The following C19orf47 variants were observed in gnomAD, a reference collection of about 807,000 sequenced individuals.
C19orf47 encodes chromosome 19 open reading frame 47.
A neutral mutation model predicts 32.3 loss-of-function variants in C19orf47; 18 were observed. The ratio of observed to expected loss-of-function variants is 0.56; its 90% CI spans 0.39 to 0.83. The LOEUF (loss-of-function observed/expected upper bound fraction) is 0.83, where lower values mean the gene tolerates loss of function less well. C19orf47 is among the 40% of genes least tolerant of loss of function. The probability of loss-of-function intolerance (pLI) is 0.00; values close to 1 mark genes in which losing one functional copy is unlikely to be tolerated. For synonymous variants in C19orf47, 202 were observed against 211.1 expected (o/e 0.96, Z 0.37); for missense variants, 484 against 531.6 (o/e 0.91, Z 0.88).
chr19:40,301,072 A>G, the C19orf47 span, among the ~76,000 whole-genome samples: 3 of 152,154 alleles, frequency 2.0e-5, no homozygotes, highest in East Asian at 1.9e-4. Flanking sequence ...CTGAGGCACG[A>G]GAATCGCTTG....
At chr19:40,297,631 C>T in the C19orf47 span, among the ~76,000 whole-genome samples, 19 of 139,866 alleles carry the variant, frequency 1.4e-4, no homozygotes, top group East Asian at 8.5e-4. Flanking sequence ...ACCCAGGAAG[C>T]GGAGGTTGTA....
chr19:40,326,089 C>T (rs1169734101), intron 7 of C19orf47, among the ~76,000 whole-genome samples: 1 of 152,228 alleles, frequency 6.6e-6, no homozygotes, highest in East Asian at 1.9e-4. Flanking sequence ...ATCACTCTAT[C>T]GTTGCTCCTG....
At chr19:40,324,279 G>A (rs760875192) in intron 7 of C19orf47, 5 of 599,840 alleles carry the variant, frequency 8.3e-6, no homozygotes, top group African/African-American at 3.7e-5. Flanking sequence ...ATGTGGGAAA[G>A]ACCAGCTACA....
chr19:40,331,651 T>C (rs10421423), intron 5 of C19orf47, among the ~76,000 whole-genome samples: 372 of 151,520 alleles, frequency 2.5e-3, no homozygotes, highest in African/African-American at 8.8e-3. Flanking sequence ...AAAATAAAAA[T>C]ACATGTCTGT....
At chr19:40,297,444 T>C in the C19orf47 span, among the ~76,000 whole-genome samples, 1 of 152,194 alleles carries the variant, frequency 6.6e-6, no homozygotes, top group African/African-American at 2.4e-5. Flanking sequence ...GGCTCACGCC[T>C]GTAATCCCAA....
chr19:40,346,442 C>T lies in C19orf47; in HGVS notation c.-34+1882G>A, dbSNP rs568574862. ...TGGGCAACAGAGCGAGACCTTGTCT[C>T]AAATAAATAAATAAATAAATAAATA... On this transcript the variant is annotated intron_variant, in intron 1 of 8. Coordinates refer to ENST00000683109, the MANE Select transcript of C19orf47 (RefSeq NM_001256441.2). 5.7e-4 allele frequency among the ~76,000 whole-genome samples: 60 copies of T among 105,864 alleles called. 1 individual carries two copies. Among genetic ancestry groups the T allele is most frequent in the African/African-American group, 2.1e-3 (57 of 27,106 alleles). The allele number at this position is 105,864 out of a possible 152,430, so 69.5% of individuals were successfully genotyped here.
chr19:40,336,268 G>A, intron 3 of C19orf47, 44 bp from the exon 4 acceptor site: 1 of 1,613,210 alleles, frequency 6.2e-7, no homozygotes. Flanking sequence ...GGGCCAGAGT[G>A]GGTGGGCCAG....
In C19orf47 at chr19:40,348,311, G is replaced by GC. The variant is rs1163074226; in HGVS notation, c.-34+12dup. Reference sequence around the variant, plus strand: ...AACCGGCCCAGTCCCACCACCCCCGGCCCGCGCCTCACCTGGCCCACCGGG... The same window carrying GC: ...AACCGGCCCAGTCCCACCACCCCCGGCCCCGCGCCTCACCTGGCCCACCGGG... On this transcript the variant is annotated intron_variant, in intron 1 of 8. Transcript: ENST00000683109. The GC allele has an allele frequency of 7.5e-7, 1 of 1,336,662 alleles. No individual in the cohort carries two copies. Among genetic ancestry groups the GC allele is most frequent in the Non-Finnish European group, 9.6e-7 (1 of 1,046,896 alleles). The allele number at this position is 1,336,662 out of a possible 1,614,324, so 82.8% of individuals were successfully genotyped here.
At chr19:40,323,248 T>C (rs988404812) in intron 8 of C19orf47, among the ~76,000 whole-genome samples, 3 of 152,210 alleles carry the variant, frequency 2.0e-5, no homozygotes, top group African/African-American at 7.2e-5. Flanking sequence ...TGGGAGGCTC[T>C]GCAATAGTTC....
chr19:40,317,518 G>C (rs2077670274), downstream of C19orf47, among the ~76,000 whole-genome samples: 1 of 152,046 alleles, frequency 6.6e-6, no homozygotes, highest in East Asian at 1.9e-4. Flanking sequence ...GGGCTCGGGA[G>C]AACTGCCAAG....
chr19:40,348,485 C>A (rs2078381975), upstream of C19orf47: 3 of 1,496,978 alleles, frequency 2.0e-6, no homozygotes, highest in Non-Finnish European at 2.7e-6. Context: ...CCCAACAGGC[C>A]GCCACCAGCG....
chr19:40,338,454 C>T (rs1396488509), intron 2 of C19orf47, among the ~76,000 whole-genome samples: 3 of 151,730 alleles, frequency 2.0e-5, no homozygotes, highest in Non-Finnish European at 2.9e-5. Flanking sequence ...GGCGCAATCT[C>T]GGCTGACTGC....
At chr19:40,342,201 A>C (rs1600217064) in intron 1 of C19orf47, 2 of 445,326 alleles carry the variant, frequency 4.5e-6, no homozygotes, top group Non-Finnish European at 7.1e-6. Context: ...AACAATAAAT[A>C]CCAGCCAAGC....
the C19orf47 span, among the ~76,000 whole-genome samples, chr19:40,306,993 G>A: frequency 6.7e-6 from 1 of 149,072 alleles, no homozygotes; most frequent in Non-Finnish European, 1.5e-5. Context: ...GTTTCACCAT[G>A]TTAGCCAGGA....
chr19:40,348,228 G>A (rs1269926989), intron 1 of C19orf47, 96 bp downstream of exon 1: 2 of 802,932 alleles, frequency 2.5e-6, no homozygotes, highest in Non-Finnish European at 3.5e-6. Flanking sequence ...TAAGTCCGAA[G>A]CCGTACAACG....
chr19:40,327,678 T>C (rs1161389767), intron 6 of C19orf47, among the ~76,000 whole-genome samples: 1 of 151,994 alleles, frequency 6.6e-6, no homozygotes. Flanking sequence ...CTTAAGAGCA[T>C]GGTGGACGGG....
Position 40,322,250 on chromosome 19 carries a change from C to T in C19orf47, c.790G>A (p.Gly264Ser). The change falls in exon 9 of 9, where the codon GGC (glycine) becomes AGC (serine). Residue 264 changes from glycine to serine, a missense_variant. Around this residue, in one of 3 missense-constraint regions of C19orf47, gnomAD observed 376 missense variants for 370.2 expected, o/e 1.02. Coordinates refer to ENST00000683109, the MANE Select transcript of C19orf47 (RefSeq NM_001256441.2). ...GGCTGGGGACTGGCCTTGGCTGGGC[C>T]CCGTCCTAGCTTCTTCAGGACCCCG... The part of the protein sequence containing the change: ...YAGVLKKLGR[G>S]PAKASPQPAL... 6.2e-7 allele frequency: 1 copy of T among 1,608,838 alleles called. No individual in the cohort carries two copies. The highest frequency in any genetic ancestry group is 1.1e-5 in the South Asian group (1 of 91,080).
intron 2 of C19orf47, 111 bp from the exon 3 acceptor site, chr19:40,336,518 C>A: frequency 2.1e-6 from 2 of 943,004 alleles, no homozygotes; most frequent in South Asian, 1.5e-5. Context: ...ATATGCCAGG[C>A]CCTGCATGGA....
At chr19:40,329,555 A>G (rs2077905647) in intron 5 of C19orf47, among the ~76,000 whole-genome samples, 1 of 152,084 alleles carries the variant, frequency 6.6e-6, no homozygotes, top group Non-Finnish European at 1.5e-5. Context: ...ATCACAGAAC[A>G]TTTAATAAAA....
Sources: allele counts gnomAD v4.1 joint callset (sites outside exome capture counted in the v4.1 genomes callset), GRCh38; gene constraint gnomAD v4.1.1; regional missense constraint gnomAD v4.1.1; transcripts MANE v1.5; gene names NCBI Gene and HGNC (gene_info 2026-07-23, HGNC 2026-07-21).